Variants in TBC1D5 observed in about 807,000 individuals in gnomAD.
TBC1D5 encodes TBC1 domain family, member 5.
In TBC1D5, 75 loss-of-function variants were observed where a neutral mutation model predicts 100.3. The observed-to-expected ratio is 0.75, with a 90% CI of 0.62 to 0.91. The LOEUF (loss-of-function observed/expected upper bound fraction) is 0.91, where lower values mean the gene tolerates loss of function less well. Ranked by LOEUF, TBC1D5 falls within the 40% of genes least tolerant of loss-of-function variation. The pLI is 0.00. For missense variants in TBC1D5, 910 were observed against 942.4 expected, an observed-to-expected ratio of 0.97 and a Z score of 0.45; for synonymous variants, 323 against 325.6, an observed-to-expected ratio of 0.99 and a Z score of 0.09.
intron 3 of TBC1D5, among the ~76,000 whole-genome samples, chr3:17,471,670 CAAAAAAA>C (rs753132440): frequency 1.5e-3 from 34 of 22,288 alleles, no homozygotes; most frequent in East Asian, 2.5e-3. Flanking sequence ...GACTCCGTCT[CAAAAAAA>C]AAAAAAAAAA....
At chr3:17,625,258 A>G (rs150897539) in intron 1 of TBC1D5, among the ~76,000 whole-genome samples, 83 of 152,176 alleles carry the variant, frequency 5.5e-4, no homozygotes, top group African/African-American at 1.5e-3. Flanking sequence ...GGCCATATTC[A>G]GCACTTCAAG....
At position 17,708,422 on chromosome 3, in the gene TBC1D5, T is replaced by C. The variant is rs557235544; in HGVS notation, c.-101+30921A>G. ...TTCACAATGTCAATGCTTTAACACA[T>C]ATCCTTTCTGTACAAGTTTCTTTGT... On this transcript the variant is annotated intron_variant, in intron 1 of 21. Transcript: ENST00000253692. Among the ~76,000 whole-genome samples, 5 of 152,372 alleles carry C rather than the reference T, an allele frequency of 3.3e-5. No individual in the cohort carries two copies. The East Asian group carries it at 9.6e-4, about 29-fold the overall frequency.
intron 14 of TBC1D5, among the ~76,000 whole-genome samples, chr3:17,297,576 A>C (rs1424321445): frequency 1.3e-5 from 2 of 151,790 alleles, no homozygotes; most frequent in Admixed American, 6.6e-5. Flanking sequence ...ACTCCTAAAA[A>C]AAAAAAAAAA....
intron 1 of TBC1D5, among the ~76,000 whole-genome samples, chr3:17,698,631 C>G (rs1452430447): frequency 4.4e-4 from 64 of 146,302 alleles, no homozygotes; most frequent in Non-Finnish European, 8.5e-4. Flanking sequence ...AGAAAATTTT[C>G]GCAACCTACT....
At chr3:17,429,157 GA>G (rs542453634) in intron 3 of TBC1D5, among the ~76,000 whole-genome samples, 36 of 151,520 alleles carry the variant, frequency 2.4e-4, no homozygotes, top group African/African-American at 5.1e-4. Flanking sequence ...CAAACATTTA[GA>G]AAAAAAATTT....
intron 1 of TBC1D5, among the ~76,000 whole-genome samples, chr3:17,709,703 GA>G (rs1385093528): frequency 6.6e-6 from 1 of 152,054 alleles, no homozygotes; most frequent in African/African-American, 2.4e-5. Flanking sequence ...CAGAAAGACA[GA>G]AAAGACCTTA....
At chr3:17,396,027 T>G (rs2093494491) in intron 8 of TBC1D5, among the ~76,000 whole-genome samples, 1 of 152,150 alleles carries the variant, frequency 6.6e-6, no homozygotes. Flanking sequence ...TTCATATTCC[T>G]GAAAATCTGT....
At chr3:17,530,189 A>C (rs544540871) in intron 2 of TBC1D5, among the ~76,000 whole-genome samples, 15 of 150,406 alleles carry the variant, frequency 1.0e-4, no homozygotes, top group Non-Finnish European at 2.1e-4. Flanking sequence ...AGTTGCAGTG[A>C]GCCAAGATCA....
intron 1 of TBC1D5, chr3:17,706,321 G>T (rs1171101108): frequency 1.4e-6 from 2 of 1,418,984 alleles, no homozygotes; most frequent in Non-Finnish European, 1.9e-6. Context: ...AACCAGAACT[G>T]TATACCTTTG....
rs886308617 is a variant in TBC1D5 at position 17,394,615 on chromosome 3, G to A, written c.509+8566C>T. On this transcript the variant is annotated intron_variant, in intron 8 of 21. Coordinates refer to ENST00000253692, the Ensembl canonical transcript of TBC1D5. Reference sequence around the variant, plus strand: ...CATCTTACAGATAATTTTAAAAGAAGATAATTACAATAAAATATGCATTAT... The same window carrying A: ...CATCTTACAGATAATTTTAAAAGAAAATAATTACAATAAAATATGCATTAT... Among the ~76,000 whole-genome samples, 6 of 152,152 alleles carry A rather than the reference G, an allele frequency of 3.9e-5. No individual in the cohort carries two copies. The East Asian group carries it at 1.2e-3, about 29-fold the overall frequency.
chr3:17,667,301 T>C (rs1231959600), intron 1 of TBC1D5, among the ~76,000 whole-genome samples: 2 of 152,094 alleles, frequency 1.3e-5, no homozygotes, highest in South Asian at 2.1e-4. Flanking sequence ...CTTATAAAAA[T>C]GAAGTCAGTA....
At chr3:17,511,032 A>T (rs1222586703) in intron 2 of TBC1D5, among the ~76,000 whole-genome samples, 2 of 151,594 alleles carry the variant, frequency 1.3e-5, no homozygotes, top group Non-Finnish European at 2.9e-5. Flanking sequence ...GACCAGGTAT[A>T]AAAAAAGGGG....
intron 19 of TBC1D5, among the ~76,000 whole-genome samples, chr3:17,173,017 A>T (rs1325990254): frequency 1.3e-5 from 2 of 152,238 alleles, no homozygotes; most frequent in Non-Finnish European, 2.9e-5. Flanking sequence ...ACAGGGAGAC[A>T]GCACAGATCA....
chr3:17,726,643 T>C (rs1274501793), intron 1 of TBC1D5, among the ~76,000 whole-genome samples: 3 of 152,242 alleles, frequency 2.0e-5, no homozygotes, highest in Non-Finnish European at 4.4e-5. Flanking sequence ...TTTAGAAATA[T>C]TTCCCCCCAT....
chr3:17,179,231 C>G (rs1350919669), intron 19 of TBC1D5, among the ~76,000 whole-genome samples: 1 of 152,180 alleles, frequency 6.6e-6, no homozygotes, highest in Admixed American at 6.5e-5. Context: ...TCACGAAACT[C>G]TTTTTTCATA....
chr3:17,188,202 T>C (rs943766841), intron 18 of TBC1D5, among the ~76,000 whole-genome samples: 2 of 152,160 alleles, frequency 1.3e-5, no homozygotes, highest in African/African-American at 2.4e-5. Flanking sequence ...CTAACTTGTA[T>C]AGTTAATGGG....
intron 1 of TBC1D5, among the ~76,000 whole-genome samples, chr3:17,713,988 G>A (rs573824818): frequency 6.6e-6 from 1 of 152,206 alleles, no homozygotes; most frequent in South Asian, 2.1e-4. Context: ...CAAGAGAAAG[G>A]CAACTTCAAA....
chr3:17,380,235 A>G (rs574694089), intron 9 of TBC1D5, among the ~76,000 whole-genome samples: 2 of 152,200 alleles, frequency 1.3e-5, no homozygotes, highest in South Asian at 2.1e-4. Context: ...GCATTAAATC[A>G]TATTTCAAAT....
intron 2 of TBC1D5, among the ~76,000 whole-genome samples, chr3:17,541,386 T>A (rs2096355542): frequency 6.6e-6 from 1 of 152,190 alleles, no homozygotes; most frequent in Non-Finnish European, 1.5e-5. Context: ...TAATTATTTT[T>A]TATGGTTTTC....
Sources: allele counts gnomAD v4.1 joint callset (sites outside exome capture counted in the v4.1 genomes callset), GRCh38; gene constraint gnomAD v4.1.1; transcripts MANE v1.5; gene names NCBI Gene and HGNC (gene_info 2026-07-23, HGNC 2026-07-21).